FER: variants seen among roughly 807,000 people sequenced by gnomAD.
FER encodes tyrosine-protein kinase Fer.
FER carries 63 observed loss-of-function variants against 111.0 expected under a neutral mutation model. The ratio of observed to expected loss-of-function variants is 0.57; its 90% CI spans 0.46 to 0.70. The LOEUF (loss-of-function observed/expected upper bound fraction) is 0.70. FER is among the 30% of genes least tolerant of loss of function. The pLI is 0.00. For synonymous variants in FER, 327 were observed against 313.9 expected, an observed-to-expected ratio of 1.04 and a Z score of -0.44; for missense variants, 914 against 954.0, an observed-to-expected ratio of 0.96 and a Z score of 0.55.
chr5:109,100,587 C>A, intron 17 of FER, 68 bp downstream of exon 17: 1 of 1,449,916 alleles, frequency 6.9e-7, no homozygotes, highest in Admixed American at 2.1e-5. Context: ...GATGTATTTG[C>A]TACAATAGAA....
chr5:108,960,081 A>G (rs2149669853), intron 13 of FER, among the ~76,000 whole-genome samples: 2 of 152,236 alleles, frequency 1.3e-5, no homozygotes, highest in South Asian at 4.1e-4. Context: ...AGGACTGTCT[A>G]ATATGAAGAA....
At chr5:109,059,058 A>C (rs1430101207) in intron 16 of FER, among the ~76,000 whole-genome samples, 1 of 151,900 alleles carries the variant, frequency 6.6e-6, no homozygotes, top group African/African-American at 2.4e-5. Context: ...GCTATTTTCA[A>C]GTTAAACCTT....
chr5:108,885,066 G>T (rs1224929274), intron 9 of FER, among the ~76,000 whole-genome samples: 1 of 151,816 alleles, frequency 6.6e-6, no homozygotes, highest in South Asian at 2.1e-4. Context: ...GGGAAGGCAC[G>T]GCCCTAGGCT....
At chr5:108,818,447 G>A (rs1425724345) in intron 3 of FER, among the ~76,000 whole-genome samples, 1 of 151,836 alleles carries the variant, frequency 6.6e-6, no homozygotes, top group Non-Finnish European at 1.5e-5. Context: ...CCAAAAAAAA[G>A]ATAAAAAGAA....
chr5:108,786,965 G>A (rs913055001), intron 2 of FER, among the ~76,000 whole-genome samples: 3 of 152,092 alleles, frequency 2.0e-5, no homozygotes, highest in East Asian at 1.9e-4. Context: ...CTGTGGAGAC[G>A]CCAGCTGTGG....
intron 13 of FER, among the ~76,000 whole-genome samples, chr5:109,007,883 G>A (rs1162562968): frequency 6.6e-6 from 1 of 152,146 alleles, no homozygotes; most frequent in Non-Finnish European, 1.5e-5. Flanking sequence ...CCAACTGCGT[G>A]AGAATTCCAG....
intron 1 of FER, among the ~76,000 whole-genome samples, chr5:108,765,171 C>A (rs1255969654): frequency 6.6e-6 from 1 of 152,098 alleles, no homozygotes; most frequent in African/African-American, 2.4e-5. Context: ...TTTGCTGAGT[C>A]TGGTAAGCAT....
chr5:108,981,477 T>C (rs1345805826), intron 13 of FER, among the ~76,000 whole-genome samples: 1 of 152,080 alleles, frequency 6.6e-6, no homozygotes, highest in Non-Finnish European at 1.5e-5. Context: ...CTAAAGTCGA[T>C]ATAGGCTACA....
chr5:109,064,208 T>TA (rs1774801808), intron 16 of FER, among the ~76,000 whole-genome samples: 1 of 152,206 alleles, frequency 6.6e-6, no homozygotes, highest in South Asian at 2.1e-4. Flanking sequence ...AAATTGGAGT[T>TA]ACTTTATTTA....
intron 5 of FER, among the ~76,000 whole-genome samples, chr5:108,837,988 T>G (rs1309716365): frequency 6.6e-6 from 1 of 152,210 alleles, no homozygotes; most frequent in East Asian, 1.9e-4. Context: ...CTACAGAATA[T>G]ATAGTTACTT....
chr5:108,930,651 C>T (rs900079063), intron 10 of FER, among the ~76,000 whole-genome samples: 6 of 125,128 alleles, frequency 4.8e-5, no homozygotes, highest in East Asian at 2.4e-4. Flanking sequence ...GACAGGGTCT[C>T]GCTCTGTCTC....
intron 2 of FER, among the ~76,000 whole-genome samples, chr5:108,793,142 C>T (rs1755570328): frequency 6.6e-6 from 1 of 152,078 alleles, no homozygotes; most frequent in African/African-American, 2.4e-5. Flanking sequence ...TCCCATTAAC[C>T]ATCCCAACTT....
chr5:108,996,951 G>C (rs1011524314), intron 13 of FER, among the ~76,000 whole-genome samples: 1 of 152,094 alleles, frequency 6.6e-6, no homozygotes, highest in African/African-American at 2.4e-5. Context: ...ACAGTGGTTT[G>C]TAGTTCTCCT....
intron 10 of FER, among the ~76,000 whole-genome samples, chr5:108,910,513 T>A (rs1424056165): frequency 6.6e-6 from 1 of 152,146 alleles, no homozygotes. Flanking sequence ...ATTCAGTAGG[T>A]ATATGTGCAG....
chr5:108,834,370 T>C (rs1760377318), intron 4 of FER, among the ~76,000 whole-genome samples: 1 of 152,174 alleles, frequency 6.6e-6, no homozygotes, highest in Non-Finnish European at 1.5e-5. Flanking sequence ...CTTGACTAAT[T>C]GGTTCCAGTG....
intron 2 of FER, among the ~76,000 whole-genome samples, chr5:108,770,288 A>G (rs377307802): frequency 6.6e-6 from 1 of 152,022 alleles, no homozygotes; most frequent in East Asian, 1.9e-4. Flanking sequence ...ATTTTATCTG[A>G]CTTCAGAGTC....
chr5:109,174,868 T>C (rs1406567687), intron 17 of FER, among the ~76,000 whole-genome samples: 1 of 152,200 alleles, frequency 6.6e-6, no homozygotes, highest in Non-Finnish European at 1.5e-5. Flanking sequence ...GTGGCTAAAA[T>C]TACAGACTCT....
chr5:109,132,551 C>T (rs1752466629), intron 17 of FER, among the ~76,000 whole-genome samples: 1 of 152,026 alleles, frequency 6.6e-6, no homozygotes, highest in South Asian at 2.1e-4. Flanking sequence ...GTCTGCTCTA[C>T]TTTGACTGTT....
chr5:108,879,701 A>AAAAAATATATAT, intron 8 of FER, among the ~76,000 whole-genome samples: 5 of 99,128 alleles, frequency 5.0e-5, no homozygotes, highest in African/African-American at 2.4e-4. Flanking sequence ...ATTAAAAAAA[A>AAAAAATATATAT]ATATATATAT....
Sources: gnomAD v4.1 joint callset for allele counts (sites outside exome capture counted in the v4.1 genomes callset) on GRCh38, gnomAD v4.1.1 for gene constraint, MANE v1.5 for transcripts, NCBI Gene and HGNC (gene_info 2026-07-23, HGNC 2026-07-21) for gene names.